Variants in ZNF627 observed in about 807,000 individuals in gnomAD.
ZNF627 encodes the protein zinc finger protein 627.
In ZNF627, 12 loss-of-function variants were observed where a neutral mutation model predicts 10.6. The observed-to-expected ratio is 1.13, with a 90% CI of 0.73 to 1.84. The LOEUF (loss-of-function observed/expected upper bound fraction) is 1.84, where lower values mean the gene tolerates loss of function less well. Among genes scored for constraint, ZNF627 ranks in the 40% most tolerant of loss-of-function variants. ZNF627 has a pLI of 0.00. For synonymous variants in ZNF627, 176 were observed against 187.1 expected, an observed-to-expected ratio of 0.94 and a Z score of 0.48; for missense variants, 504 against 568.4, an observed-to-expected ratio of 0.89 and a Z score of 1.15.
rs970349823 is a variant in ZNF627, at chr19:11,619,088, G to A, written c.*1199G>A. The A allele has an allele frequency of 6.6e-6, 1 of 152,148 alleles. No homozygotes were observed. Among genetic ancestry groups the A allele is most frequent in the African/African-American group, 2.4e-5 (1 of 41,422 alleles). 9.4% of individuals were successfully genotyped at this position (152,148 alleles called of 1,614,324 possible). On this transcript the variant is annotated 3_prime_UTR_variant, in exon 4 of 4. Coordinates refer to ENST00000361113, the MANE Select transcript of ZNF627 (RefSeq NM_145295.4). ...AAAGACCGCAGAGACCATACCTGTT[G>A]TCAAAGAGGGTGTAATAAACTGTAA... is the stretch of plus-strand genomic sequence containing the variant.
rs1227637636 is a variant in ZNF627 at position 11,617,968 on chromosome 19, A to G, written c.*79A>G. On this transcript the variant is annotated 3_prime_UTR_variant, in exon 4 of 4. Coordinates refer to ENST00000361113, the MANE Select transcript of ZNF627 (RefSeq NM_145295.4). ...CCTTCAGTCCTTTCTGTTTCTTTCA[A>G]CTACGTGAAAGGATTCACAGTGGAG... 3 of 1,259,304 alleles carry G rather than the reference A, an allele frequency of 2.4e-6. No individual in the cohort carries two copies. Among genetic ancestry groups the G allele is most frequent in the African/African-American group, 3.0e-5 (2 of 66,462 alleles). The allele number at this position is 1,259,304 out of a possible 1,614,324, so 78.0% of individuals were successfully genotyped here.
Position 11,601,560 on chromosome 19 carries a change from C to G in ZNF627, c.3+3930C>G, listed in dbSNP as rs139126736. On this transcript the variant is annotated intron_variant, in intron 1 of 3. Coordinates refer to ENST00000361113, the MANE Select transcript of ZNF627 (RefSeq NM_145295.4). ...ACAGGACGTTGTTATGTTGCCCAGACTGGTCTCTAACTCCTGGCCTCGAGC... is the reference window on the plus strand; with the variant it reads ...ACAGGACGTTGTTATGTTGCCCAGAGTGGTCTCTAACTCCTGGCCTCGAGC... 1.4e-3 allele frequency among the ~76,000 whole-genome samples: 215 copies of G among 152,174 alleles called. 4 individuals are homozygous for G. Among genetic ancestry groups the G allele is most frequent in the African/African-American group, 4.9e-3 (204 of 41,514 alleles).
chr19:11,614,341 A>C (rs1973829645), intron 1 of ZNF627, among the ~76,000 whole-genome samples, 186 bp from the exon 2 acceptor site: 1 of 152,178 alleles, frequency 6.6e-6, no homozygotes, highest in African/African-American at 2.4e-5. Context: ...TTGCTAGTTC[A>C]GTTCTAGCAG....
At chr19:11,600,030 A>G (rs1973558176) in intron 1 of ZNF627, among the ~76,000 whole-genome samples, 1 of 152,180 alleles carries the variant, frequency 6.6e-6, no homozygotes, top group Non-Finnish European at 1.5e-5. Context: ...TTTCTTTTTT[A>G]AGTAACTATA....
chr19:11,597,504 C>G lies in ZNF627; in HGVS notation c.-124C>G. 6.5e-6 allele frequency: 7 copies of G among 1,072,278 alleles called. No individual in the cohort carries two copies. Among genetic ancestry groups the G allele is most frequent in the Non-Finnish European group, 8.5e-6 (7 of 824,792 alleles). 66.4% of individuals were successfully genotyped at this position (1,072,278 alleles called of 1,614,324 possible). A position where few individuals can be genotyped will look rare whatever the true frequency, so the allele number is the denominator to read the frequency against. Reference sequence around the variant, plus strand: ...CTTTGTTTCTGGCGACCGTCCCCACCCGGGCTCGCGTCTCCGTTTCTCCGA... The same window carrying G: ...CTTTGTTTCTGGCGACCGTCCCCACGCGGGCTCGCGTCTCCGTTTCTCCGA... On this transcript the variant is annotated 5_prime_UTR_variant, in exon 1 of 4. Transcript: ENST00000361113.
intron 1 of ZNF627, among the ~76,000 whole-genome samples, chr19:11,608,337 G>A (rs1404078025): frequency 6.6e-6 from 1 of 152,120 alleles, no homozygotes; most frequent in East Asian, 1.9e-4. Context: ...AAGTTCCTAA[G>A]TTTCTGGTTT....
chr19:11,607,299 G>A (rs1973692078), intron 1 of ZNF627, among the ~76,000 whole-genome samples: 1 of 151,994 alleles, frequency 6.6e-6, no homozygotes, highest in Non-Finnish European at 1.5e-5. Flanking sequence ...ACCACGGCCA[G>A]CTAATTCTAT....
At chr19:11,616,558 G>A in intron 3 of ZNF627, 137 bp from the exon 4 acceptor site, 2 of 587,798 alleles carry the variant, frequency 3.4e-6, no homozygotes, top group South Asian at 3.0e-5. Context: ...TGGAGTTCAG[G>A]GTTCACGCCT....
At chr19:11,610,047 ATTTT>A (rs71166614) in intron 1 of ZNF627, among the ~76,000 whole-genome samples, 26,526 of 114,676 alleles carry the variant, frequency 0.23, 2,353 homozygotes, top group Middle Eastern at 0.32. Flanking sequence ...TGGGATTTGA[ATTTT>A]TTTTTTTTTT....
intron 1 of ZNF627, among the ~76,000 whole-genome samples, chr19:11,609,471 T>TTATACA (rs1973729452): frequency 3.7e-5 from 2 of 54,016 alleles, no homozygotes; most frequent in Non-Finnish European, 1.0e-4. Flanking sequence ...TTAAAAAATT[T>TTATACA]TATATATATA....
chr19:11,616,759 A>G lies in ZNF627; in HGVS notation c.256A>G (p.Ile86Val). Residue 86 changes from isoleucine (I) to valine (V), a missense_variant, in exon 4 of 4, where the codon ATT (isoleucine) becomes GTT (valine). Ile to Val is a conservative substitution (Grantham distance 29, BLOSUM62 3). Transcript: ENST00000361113. The part of the protein sequence containing the change: ...GGQGEETFSQ[I>V]PDGILNKKTP... ...TCAAGGTGAAGAAACCTTCAGCCAGATTCCAGATGGTATTCTGAACAAGAA... is the reference window on the plus strand; with the variant it reads ...TCAAGGTGAAGAAACCTTCAGCCAGGTTCCAGATGGTATTCTGAACAAGAA... 1.2e-6 allele frequency: 2 copies of G among 1,613,284 alleles called. No individual in the cohort carries two copies. Among genetic ancestry groups the G allele is most frequent in the Non-Finnish European group, 1.7e-6 (2 of 1,179,504 alleles).
At position 11,616,805 on chromosome 19, in the gene ZNF627, G is replaced by A. The variant is rs756814419; in HGVS notation, c.302G>A (p.Cys101Tyr). Reference protein sequence around the residue: ...LNKKTPGVKPCESSVCGEVGM... With the variant: ...LNKKTPGVKPYESSVCGEVGM... ...AAGAAAACTCCTGGAGTAAAACCGT[G>A]TGAAAGCAGTGTGTGTGGAGAAGTT... Residue 101 changes from cysteine (C) to tyrosine (Y), a missense_variant, in exon 4 of 4, where the codon TGT (cysteine) becomes TAT (tyrosine). Cys to Tyr is a radical substitution (Grantham distance 194, BLOSUM62 -2). Transcript: ENST00000361113. The A allele has an allele frequency of 2.4e-5, 39 of 1,613,962 alleles. No homozygotes were observed. The highest frequency in any genetic ancestry group is 3.1e-5 in the Non-Finnish European group (37 of 1,180,006).
In ZNF627 at chr19:11,617,218, A is replaced by G. The variant is rs1201560782; in HGVS notation, c.715A>G (p.Arg239Gly). The G allele has an allele frequency of 1.2e-6, 2 of 1,610,524 alleles. No individual in the cohort carries two copies. The highest frequency in any genetic ancestry group is 1.7e-6 in the Non-Finnish European group (2 of 1,178,750). Residue 239 changes from arginine (R) to glycine (G), a missense_variant, in exon 4 of 4, where the codon AGA (arginine) becomes GGA (glycine). Transcript: ENST00000361113. ...AGCCTTCAGTTGTTCCAGTTACATT[A>G]GAATACATGAAAGGACTCACACTGG... The part of the protein sequence containing the change: ...GKAFSCSSYI[R>G]IHERTHTGDK...
Position 11,617,621 on chromosome 19 carries a change from G to T in ZNF627, c.1118G>T (p.Ser373Ile), listed in dbSNP as rs373350733. Residue 373 changes from serine to isoleucine, a missense_variant, in exon 4 of 4, where the codon AGT (serine) becomes ATT (isoleucine). Physicochemically the swap from Ser to Ile is moderately radical, Grantham distance 142. Transcript: ENST00000361113. ...YDCKQCGKAF[S>I]CSSSFRKHER... ...TGTAAGCAATGTGGGAAAGCCTTCAGTTGTTCCAGTTCGTTTCGAAAACAT... is the reference window on the plus strand; with the variant it reads ...TGTAAGCAATGTGGGAAAGCCTTCATTTGTTCCAGTTCGTTTCGAAAACAT... The T allele has an allele frequency of 1.9e-6, 3 of 1,613,784 alleles. No homozygotes were observed. Among genetic ancestry groups the T allele is most frequent in the Non-Finnish European group, 2.5e-6 (3 of 1,179,928 alleles).
At chr19:11,599,224 CCT>C (rs1344268232) in intron 1 of ZNF627, among the ~76,000 whole-genome samples, 16 of 152,102 alleles carry the variant, frequency 1.1e-4, no homozygotes, top group Non-Finnish European at 1.5e-5. Context: ...CGGGGTGGGG[CCT>C]CTTAGTGGAG....
At chr19:11,610,974 T>C (rs111354629) in intron 1 of ZNF627, among the ~76,000 whole-genome samples, 201 of 152,032 alleles carry the variant, frequency 1.3e-3, no homozygotes, top group Non-Finnish European at 2.5e-3. Flanking sequence ...TGCCTCAGCC[T>C]CTGGAGTAGC....
intron 1 of ZNF627, among the ~76,000 whole-genome samples, chr19:11,603,284 CT>C (rs34132887): frequency 0.015 from 1,746 of 119,902 alleles, 19 homozygotes; most frequent in African/African-American, 0.051. Context: ...TATTCTTAGC[CT>C]TTTTTTTTTT....
chr19:11,604,317 A>G (rs1376964099), intron 1 of ZNF627: 2 of 152,118 alleles, frequency 1.3e-5, no homozygotes, highest in South Asian at 2.1e-4. Context: ...AGTCCCCTCC[A>G]TCACACTCCA....
chr19:11,612,336 G>T (rs1973786218), intron 1 of ZNF627, among the ~76,000 whole-genome samples: 1 of 150,540 alleles, frequency 6.6e-6, no homozygotes, highest in Non-Finnish European at 1.5e-5. Flanking sequence ...TAGCCAGGAT[G>T]GTCTCGATCT....
Sources: gnomAD v4.1 joint callset for allele counts (sites outside exome capture counted in the v4.1 genomes callset) on GRCh38, gnomAD v4.1.1 for gene constraint, MANE v1.5 for transcripts, NCBI Gene and HGNC (gene_info 2026-07-23, HGNC 2026-07-21) for gene names.